The following EPS15 variants were observed in gnomAD, a reference collection of about 807,000 sequenced individuals.
The protein encoded by EPS15 is epidermal growth factor receptor substrate 15.
EPS15 carries 72 observed loss-of-function variants against 113.8 expected under a neutral mutation model. That is an observed-to-expected ratio of 0.63 (90% CI 0.52 to 0.77). EPS15 has a LOEUF of 0.77. EPS15 is among the 30% of genes least tolerant of loss of function. EPS15 has a pLI of 0.00. For missense variants in EPS15, 1,048 were observed against 1,045.8 expected (o/e 1.00, Z -0.03); for synonymous variants, 344 against 363.4 (o/e 0.95, Z 0.61).
chr1:51,368,799 C>T (rs1447844900), intron 21 of EPS15, among the ~76,000 whole-genome samples: 2 of 152,010 alleles, frequency 1.3e-5, no homozygotes, highest in Non-Finnish European at 2.9e-5. Context: ...GACGGGGTTT[C>T]ACTATGTTGG....
At chr1:51,519,011 G>A (rs1347348565) in intron 1 of EPS15, among the ~76,000 whole-genome samples, 188 bp downstream of exon 1, 1 of 151,252 alleles carries the variant, frequency 6.6e-6, no homozygotes, top group Non-Finnish European at 1.5e-5. Context: ...GGCGGCCGCA[G>A]GGGGGCTCCG....
At chr1:51,432,347 T>C (rs1651806445) in intron 12 of EPS15, among the ~76,000 whole-genome samples, 1 of 149,926 alleles carries the variant, frequency 6.7e-6, no homozygotes, top group Admixed American at 6.6e-5. Flanking sequence ...TGTATGTATG[T>C]ATATATTTAA....
At chr1:51,407,106 G>A (rs2148426994) in intron 15 of EPS15, among the ~76,000 whole-genome samples, 1 of 152,246 alleles carries the variant, frequency 6.6e-6, no homozygotes, top group South Asian at 2.1e-4. Context: ...ATGTAACCTT[G>A]AGAAAGTTAC....
intron 24 of EPS15, among the ~76,000 whole-genome samples, chr1:51,357,397 T>C (rs1254511560): frequency 1.7e-5 from 1 of 58,256 alleles, no homozygotes; most frequent in Non-Finnish European, 2.8e-5. Flanking sequence ...AAAAAATATA[T>C]ATATATATAT....
chr1:51,429,651 T>G (rs1651536305), intron 12 of EPS15, among the ~76,000 whole-genome samples: 1 of 150,582 alleles, frequency 6.6e-6, no homozygotes, highest in Admixed American at 6.6e-5. Flanking sequence ...TGGTTTTTTT[T>G]TTTTTTTTCT....
At chr1:51,407,950 T>C (rs1649285846) in intron 15 of EPS15, among the ~76,000 whole-genome samples, 185 bp downstream of exon 15, 1 of 152,176 alleles carries the variant, frequency 6.6e-6, no homozygotes, top group Non-Finnish European at 1.5e-5. Flanking sequence ...AATCATCAGA[T>C]AGATATACAA....
chr1:51,436,392 A>G (rs901018841), intron 12 of EPS15, among the ~76,000 whole-genome samples: 3 of 140,016 alleles, frequency 2.1e-5, no homozygotes, highest in African/African-American at 9.3e-5. Context: ...GGCTAAAACT[A>G]AGAAGGAAAC....
Position 51,402,441 on chromosome 1 carries a change from CA to C in EPS15, c.1875del (p.Phe625LeufsTer61). ...TAAAAAAAAGAGTACTTACTGCCAA[CA>C]AAAGGATCAGACTGGAAAAAATCCA... The part of the protein sequence containing the change: ...TNLDFFQSDP[F>X]VGSDPFKDDP... On this transcript the variant is annotated frameshift_variant, in exon 18 of 25. Coordinates refer to ENST00000371733, the MANE Select transcript of EPS15 (RefSeq NM_001981.3). LOFTEE classifies it high-confidence loss of function. The C allele has an allele frequency of 6.5e-7, 1 of 1,550,166 alleles. No homozygotes were observed. The highest frequency in any genetic ancestry group is 8.8e-7 in the Non-Finnish European group (1 of 1,137,866).
intron 12 of EPS15, among the ~76,000 whole-genome samples, chr1:51,422,392 G>A (rs900405874): frequency 4.6e-5 from 7 of 152,184 alleles, no homozygotes; most frequent in African/African-American, 1.7e-4. Flanking sequence ...TTAATACACA[G>A]GCAATTTGCT....
intron 17 of EPS15, among the ~76,000 whole-genome samples, chr1:51,402,855 A>G (rs1260025382): frequency 2.0e-5 from 3 of 152,214 alleles, no homozygotes; most frequent in East Asian, 1.9e-4. Flanking sequence ...CAGTGAGCCA[A>G]GATCACACTA....
At chr1:51,362,668 TTACAATTG>T (rs1169697284) in intron 23 of EPS15, among the ~76,000 whole-genome samples, 1 of 152,194 alleles carries the variant, frequency 6.6e-6, no homozygotes, top group Non-Finnish European at 1.5e-5. Flanking sequence ...TATCGGATAT[TTACAATTG>T]TACATGCAAT....
At chr1:51,438,787 A>AT (rs778640889) in intron 12 of EPS15, among the ~76,000 whole-genome samples, 2 of 152,166 alleles carry the variant, frequency 1.3e-5, no homozygotes, top group Non-Finnish European at 2.9e-5. Context: ...GCAGAATTGT[A>AT]TAACAGAAAG....
At chr1:51,447,573 C>T (rs1428633722) in intron 9 of EPS15, among the ~76,000 whole-genome samples, 3 of 152,036 alleles carry the variant, frequency 2.0e-5, no homozygotes, top group Non-Finnish European at 4.4e-5. Flanking sequence ...AAAAAAAAGC[C>T]TTGGACAACC....
At position 51,440,446 on chromosome 1, in the gene EPS15, G is replaced by A. The variant is rs548133398; in HGVS notation, c.955-14C>T. 2.1e-6 allele frequency: 3 copies of A among 1,422,814 alleles called. No individual in the cohort carries two copies. In the East Asian group the frequency reaches 6.9e-5, roughly 33 times the overall value. 88.1% of individuals were successfully genotyped at this position (1,422,814 alleles called of 1,614,324 possible). A position where few individuals can be genotyped will look rare whatever the true frequency, so the allele number is the denominator to read the frequency against. On this transcript the variant is annotated splice_polypyrimidine_tract_variant and intron_variant, in intron 11 of 24. Transcript: ENST00000371733. ...TCCTATGATGTTCTAAAAACAAAAA[G>A]TTCACAATTATACATTACTATAAAA...
At chr1:51,372,644 G>C (rs1646685784) in intron 21 of EPS15, 1 of 456,172 alleles carries the variant, frequency 2.2e-6, no homozygotes, top group Non-Finnish European at 4.3e-6. Flanking sequence ...TGAAACTAAA[G>C]GATCTGGGGC....
At chr1:51,383,772 A>T (rs142679971) in intron 21 of EPS15, among the ~76,000 whole-genome samples, 12 of 152,338 alleles carry the variant, frequency 7.9e-5, no homozygotes, top group African/African-American at 2.2e-4. Flanking sequence ...AAGAAATAAA[A>T]GGCATCCAGA....
At chr1:51,517,800 T>C (rs1029719041) in intron 1 of EPS15, among the ~76,000 whole-genome samples, 3 of 152,216 alleles carry the variant, frequency 2.0e-5, no homozygotes, top group Non-Finnish European at 4.4e-5. Context: ...ACTTTCCTTA[T>C]GACACTTAGA....
intron 12 of EPS15, among the ~76,000 whole-genome samples, chr1:51,437,319 T>C (rs1399802963): frequency 2.0e-5 from 3 of 152,124 alleles, no homozygotes; most frequent in Non-Finnish European, 4.4e-5. Context: ...AAGAAATATA[T>C]TCCTTTTTTC....
chr1:51,386,206 G>A (rs6588407), intron 21 of EPS15, among the ~76,000 whole-genome samples: 9,597 of 152,172 alleles, frequency 0.063, 964 homozygotes, highest in African/African-American at 0.21. Context: ...TTATATCAGT[G>A]AAAACAAAGA....
Sources: allele counts gnomAD v4.1 joint callset (sites outside exome capture counted in the v4.1 genomes callset), GRCh38; gene constraint gnomAD v4.1.1; transcripts MANE v1.5; gene names NCBI Gene and HGNC (gene_info 2026-07-23, HGNC 2026-07-21).